Variants in RAP1GAP observed in about 807,000 individuals in gnomAD.
RAP1GAP encodes the protein RAP1 GTPase activating protein, also known as rap1 GTPase-activating protein 1.
A neutral mutation model predicts 87.2 loss-of-function variants in RAP1GAP; 35 were observed. The observed-to-expected ratio is 0.40, with a 90% CI of 0.31 to 0.53. RAP1GAP has a LOEUF of 0.53. RAP1GAP is among the 20% of genes least tolerant of loss of function. The pLI is 0.48. For synonymous variants in RAP1GAP, 375 were observed against 363.9 expected (o/e 1.03, Z -0.35); for missense variants, 734 against 898.9 (o/e 0.82, Z 2.35).
At chr1:21,665,796 C>T (rs898976350) in intron 1 of RAP1GAP, among the ~76,000 whole-genome samples, 13 of 152,372 alleles carry the variant, frequency 8.5e-5, no homozygotes, top group African/African-American at 2.9e-4. Context: ...CCAAGAAGCC[C>T]TGAGACTGGC....
At chr1:21,651,779 C>T in intron 1 of RAP1GAP, 1 of 1,441,246 alleles carries the variant, frequency 6.9e-7, no homozygotes, top group Non-Finnish European at 9.1e-7. Context: ...CACGCCCTAC[C>T]CGCCGTAGGC....
At chr1:21,666,786 A>G (rs1202331778) in intron 1 of RAP1GAP, among the ~76,000 whole-genome samples, 2 of 152,076 alleles carry the variant, frequency 1.3e-5, no homozygotes, top group Non-Finnish European at 2.9e-5. Flanking sequence ...TTAAGGGCGT[A>G]GGGCATCCTC....
intron 2 of RAP1GAP, among the ~76,000 whole-genome samples, chr1:21,641,199 G>C (rs1173391276): frequency 1.3e-5 from 2 of 151,838 alleles, no homozygotes; most frequent in Non-Finnish European, 1.5e-5. Flanking sequence ...AGGATTACAG[G>C]CATGAGCCAC....
At chr1:21,621,748 C>G (rs1425561002) in intron 3 of RAP1GAP, among the ~76,000 whole-genome samples, 1 of 152,224 alleles carries the variant, frequency 6.6e-6, no homozygotes, top group Non-Finnish European at 1.5e-5. Context: ...AAGAGTCACA[C>G]TGATGATGGG....
rs1310752907 is a variant in RAP1GAP at position 21,609,919 on chromosome 1, GC to G, written c.999+200del. Among the ~76,000 whole-genome samples, 4 of 152,230 alleles carry G rather than the reference GC, an allele frequency of 2.6e-5. No homozygotes were observed. The highest frequency in any genetic ancestry group is 2.9e-5 in the Non-Finnish European group (2 of 68,036). ...GAGGACAGTGATACCAGGCCAGGAG[GC>G]AGAGGAGGGAAACTGTCCTCTCTGA... On this transcript the variant is annotated intron_variant, in intron 14 of 24. Transcript: ENST00000374765. This position sits in a 1 kb window ranked among gnomAD's most constrained non-coding sequence, Gnocchi z 4.4.
intron 2 of RAP1GAP, among the ~76,000 whole-genome samples, chr1:21,628,491 G>T (rs1238292456): frequency 6.6e-6 from 1 of 151,686 alleles, no homozygotes; most frequent in Non-Finnish European, 1.5e-5. Context: ...AGGCCGAGGT[G>T]GGCAGATCAT....
In RAP1GAP at chr1:21,603,824, C is replaced by T. The variant is rs767780111; in HGVS notation, c.1429-911G>A. 15 of 1,610,650 alleles carry T rather than the reference C, an allele frequency of 9.3e-6. No individual in the cohort carries two copies. Among genetic ancestry groups the T allele is most frequent in the Admixed American group, 1.7e-5 (1 of 59,840 alleles). On this transcript the variant is annotated intron_variant, in intron 18 of 24. Coordinates refer to ENST00000374765, the MANE Select transcript of RAP1GAP (RefSeq NM_002885.4). The surrounding 1 kb of genome is among the most constrained non-coding windows in gnomAD (Gnocchi z 6.0). ...GCAGCCTCCAGAGCCGGCGGCCCCG[C>T]GGACGACAACCTCTTCCACGGTTCC...
At chr1:21,597,917 C>T (rs1003930877) in intron 23 of RAP1GAP, 44 bp downstream of exon 23, 26 of 1,535,430 alleles carry the variant, frequency 1.7e-5, no homozygotes, top group African/African-American at 4.1e-5. Context: ...CATCCCCTCC[C>T]GGGTGGGGCT....
chr1:21,613,749 C>G lies in RAP1GAP; in HGVS notation c.396-43G>C. Reference sequence around the variant, plus strand: ...CACGATGAAGGCCTGGGCAGCAGGACAGGAAAATGGGAACCCCACCCCCCA... The same window carrying G: ...CACGATGAAGGCCTGGGCAGCAGGAGAGGAAAATGGGAACCCCACCCCCCA... On this transcript the variant is annotated intron_variant, in intron 8 of 24. Transcript: ENST00000374765. The surrounding 1 kb of genome is among the most constrained non-coding windows in gnomAD (Gnocchi z 4.7). The G allele has an allele frequency of 1.9e-6, 3 of 1,557,718 alleles. No individual in the cohort carries two copies. Among genetic ancestry groups the G allele is most frequent in the South Asian group, 2.2e-5 (2 of 89,942 alleles).
intron 20 of RAP1GAP, 87 bp from the exon 21 acceptor site, chr1:21,599,704 G>A: frequency 1.3e-6 from 2 of 1,514,886 alleles, no homozygotes; most frequent in Non-Finnish European, 1.8e-6. Flanking sequence ...CCCAACCCGG[G>A]AGGCCCAGCT....
rs1162743979 is a variant in RAP1GAP at position 21,608,362 on chromosome 1, G to A, written c.1159-12C>T. The stretch of plus-strand genomic sequence containing the variant: ...GCCCGCGTCCGCTCCTGTGGGCCAG[G>A]CCCGGGCCGTCAGGAGGGACCCCAA... On this transcript the variant is annotated splice_polypyrimidine_tract_variant and intron_variant, in intron 16 of 24. Coordinates refer to ENST00000374765, the MANE Select transcript of RAP1GAP (RefSeq NM_002885.4). The A allele has an allele frequency of 6.2e-7, 1 of 1,610,772 alleles. No individual in the cohort carries two copies. Among genetic ancestry groups the A allele is most frequent in the Admixed American group, 1.7e-5 (1 of 59,854 alleles).
intron 1 of RAP1GAP, among the ~76,000 whole-genome samples, chr1:21,660,353 T>TATATATATATATATAGAGAGAGAGA: frequency 1.1e-4 from 3 of 26,814 alleles, no homozygotes; most frequent in Admixed American, 5.9e-4. Context: ...ATATATTTAT[T>TATATATATATATATAGAGAGAGAGA]GAGACAGTCT....
chr1:21,649,277 G>C (rs1042294625), intron 2 of RAP1GAP, among the ~76,000 whole-genome samples: 1 of 152,160 alleles, frequency 6.6e-6, no homozygotes, highest in South Asian at 2.1e-4. Context: ...AGGGCTGTCG[G>C]GGGGAGTAAC....
rs1188514470 is a variant in RAP1GAP, at chr1:21,659,362, C to T, written c.-148-9566G>A. On this transcript the variant is annotated intron_variant, in intron 1 of 24. Coordinates refer to ENST00000374765, the MANE Select transcript of RAP1GAP (RefSeq NM_002885.4). Reference sequence around the variant, plus strand: ...GAGCATCTCAGAGAAGGGTGGGGACCCGGAGCCGCCGGGACAGCGCCCCCA... The same window carrying T: ...GAGCATCTCAGAGAAGGGTGGGGACTCGGAGCCGCCGGGACAGCGCCCCCA... 3.9e-5 allele frequency among the ~76,000 whole-genome samples: 6 copies of T among 152,158 alleles called. No individual in the cohort carries two copies. The East Asian group carries it at 1.2e-3, about 29-fold the overall frequency.
chr1:21,597,969 G>A lies in RAP1GAP; in HGVS notation c.1975C>T (p.Pro659Ser). The A allele has an allele frequency of 6.4e-7, 1 of 1,568,782 alleles. No individual in the cohort carries two copies. Among genetic ancestry groups the A allele is most frequent in the Non-Finnish European group, 8.6e-7 (1 of 1,157,834 alleles). Residue 659 changes from proline to serine, a missense_variant, in exon 23 of 25, where the codon CCC becomes TCC. Physicochemically the swap from Pro to Ser is moderately conservative, Grantham distance 74 (BLOSUM62 -1). Coordinates refer to ENST00000374765, the MANE Select transcript of RAP1GAP (RefSeq NM_002885.4). ...CAGGAGGCTGCACGTACCAGCTGGG[G>A]CATGTGCTGCTCAGATGCTTCCAGC... ...IQLEASEQHMPQLGC is the reference protein window; with the variant it reads ...IQLEASEQHMSQLGC
chr1:21,661,856 G>A (rs1360806727), intron 1 of RAP1GAP, among the ~76,000 whole-genome samples: 1 of 152,232 alleles, frequency 6.6e-6, no homozygotes, highest in Non-Finnish European at 1.5e-5. Flanking sequence ...TCTGAATAAT[G>A]AGGCCCCTCC....
intron 2 of RAP1GAP, 131 bp from the exon 3 acceptor site, chr1:21,626,528 C>G (rs914241183): frequency 2.0e-5 from 15 of 736,324 alleles, no homozygotes; most frequent in Non-Finnish European, 3.3e-5. Context: ...CATGGGTTCC[C>G]CAAGAGGAGG....
At chr1:21,643,556 C>CAAAAAAAAAAAAAAAA (rs58359978) in intron 2 of RAP1GAP, among the ~76,000 whole-genome samples, 1 of 66,464 alleles carries the variant, frequency 1.5e-5, no homozygotes, top group East Asian at 3.7e-4. Context: ...GACTCCGTCT[C>CAAAAAAAAAAAAAAAA]AAAAAAAAAA....
At position 21,615,469 on chromosome 1, in the gene RAP1GAP, G is replaced by A. The variant is rs1206085325; in HGVS notation, c.292-1380C>T. 6.6e-6 allele frequency among the ~76,000 whole-genome samples: 1 copy of A among 151,880 alleles called. No individual in the cohort carries two copies. The highest frequency in any genetic ancestry group is 1.5e-5 in the Non-Finnish European group (1 of 68,010). ...TACAGTGGCACCATCTCAGCTCACT[G>A]CAATCTCCACCTCCCAGGTTCAAGC... On this transcript the variant is annotated intron_variant, in intron 7 of 24. Transcript: ENST00000374765. The surrounding 1 kb of genome is among the most constrained non-coding windows in gnomAD (Gnocchi z 4.5).
Sources: gnomAD v4.1 joint callset for allele counts (sites outside exome capture counted in the v4.1 genomes callset) on GRCh38, gnomAD v4.1.1 for gene constraint, Gnocchi (gnomAD v3.1) non-coding constraint, MANE v1.5 for transcripts, NCBI Gene and HGNC (gene_info 2026-07-23, HGNC 2026-07-21) for gene names.